PLPPR1: variants seen among roughly 807,000 people sequenced by gnomAD.
The protein encoded by PLPPR1 is phospholipid phosphatase related 1.
A neutral mutation model predicts 33.1 loss-of-function variants in PLPPR1; 10 were observed. The ratio of observed to expected loss-of-function variants is 0.30; its 90% CI spans 0.19 to 0.51. The LOEUF (loss-of-function observed/expected upper bound fraction) is 0.51. Ranked by LOEUF, PLPPR1 falls within the 20% of genes least tolerant of loss-of-function variation. The pLI is 0.97. For missense variants in PLPPR1, 304 were observed against 408.1 expected (o/e 0.74, Z 2.20); for synonymous variants, 151 against 151.0 (o/e 1.00, Z 0.00).
At chr9:101,147,123 G>A (rs1831530579) in intron 1 of PLPPR1, among the ~76,000 whole-genome samples, 1 of 152,054 alleles carries the variant, frequency 6.6e-6, no homozygotes, top group African/African-American at 2.4e-5. Flanking sequence ...ATTACCTATT[G>A]GCTGGTTTGA....
chr9:101,163,943 G>T (rs959964624), intron 1 of PLPPR1, among the ~76,000 whole-genome samples: 1 of 152,138 alleles, frequency 6.6e-6, no homozygotes, highest in South Asian at 2.1e-4. Context: ...ATGTATCTTG[G>T]TAGGAATTTG....
chr9:101,254,362 G>C (rs1827762317), intron 2 of PLPPR1, among the ~76,000 whole-genome samples: 1 of 152,048 alleles, frequency 6.6e-6, no homozygotes, highest in African/African-American at 2.4e-5. Context: ...GTTCACAATA[G>C]GGTTCATGCT....
At chr9:101,162,105 T>TAA (rs35736417) in intron 1 of PLPPR1, among the ~76,000 whole-genome samples, 89 of 146,190 alleles carry the variant, frequency 6.1e-4, no homozygotes, top group African/African-American at 2.1e-3. Context: ...CCACAATTGT[T>TAA]AAAAAAAAAA....
intron 2 of PLPPR1, among the ~76,000 whole-genome samples, chr9:101,202,197 G>T (rs967968298): frequency 6.6e-6 from 1 of 152,190 alleles, no homozygotes; most frequent in African/African-American, 2.4e-5. Flanking sequence ...TGCTTCCAAG[G>T]AAAATTAAGA....
intron 1 of PLPPR1, among the ~76,000 whole-genome samples, chr9:101,064,705 T>A (rs79794982): frequency 0.014 from 2,193 of 152,134 alleles, 59 homozygotes; most frequent in African/African-American, 0.05. Flanking sequence ...TGAGACTGAG[T>A]AATTTATAAA....
chr9:101,212,712 C>T (rs1286592331), intron 2 of PLPPR1, among the ~76,000 whole-genome samples: 1 of 152,092 alleles, frequency 6.6e-6, no homozygotes, highest in Non-Finnish European at 1.5e-5. Context: ...CATTGTGTAA[C>T]TATATAGGAA....
At chr9:101,239,475 G>T (rs940998891) in intron 2 of PLPPR1, among the ~76,000 whole-genome samples, 3 of 151,798 alleles carry the variant, frequency 2.0e-5, no homozygotes, top group African/African-American at 7.3e-5. Flanking sequence ...ATATATCCAG[G>T]TAACAAACCT....
chr9:101,267,485 G>C lies in PLPPR1; in HGVS notation c.64-2395G>C, dbSNP rs1265182028. Among the ~76,000 whole-genome samples, 5 of 152,202 alleles carry C rather than the reference G, an allele frequency of 3.3e-5. No individual in the cohort carries two copies. In the East Asian group the frequency reaches 7.7e-4, roughly 23 times the overall value. The stretch of plus-strand genomic sequence containing the variant: ...CAAGCATGGAAAAACACATGGAAGT[G>C]TCCAGAGATTACTGGACAGTCCAAA... On this transcript the variant is annotated intron_variant, in intron 2 of 7. Coordinates refer to ENST00000374874, the MANE Select transcript of PLPPR1 (RefSeq NM_207299.2).
intron 4 of PLPPR1, among the ~76,000 whole-genome samples, chr9:101,297,120 C>A (rs988677859): frequency 7.2e-5 from 11 of 152,034 alleles, no homozygotes; most frequent in African/African-American, 2.4e-4. Context: ...GGATAATGGG[C>A]AAATTGGGCA....
chr9:101,201,300 G>A (rs959470769), intron 2 of PLPPR1, among the ~76,000 whole-genome samples: 7 of 152,178 alleles, frequency 4.6e-5, no homozygotes, highest in African/African-American at 1.7e-4. Flanking sequence ...CTTTGGAGGA[G>A]ACATATTGAA....
intron 1 of PLPPR1, among the ~76,000 whole-genome samples, chr9:101,060,863 A>G (rs1277967050): frequency 6.6e-6 from 1 of 152,000 alleles, no homozygotes; most frequent in African/African-American, 2.4e-5. Context: ...TTTATAAAGT[A>G]CAAAAATGTT....
intron 2 of PLPPR1, among the ~76,000 whole-genome samples, chr9:101,254,560 A>T (rs563581461): frequency 6.6e-6 from 1 of 152,234 alleles, no homozygotes; most frequent in South Asian, 2.1e-4. Context: ...TATACTACAT[A>T]GGGTGAATGC....
At chr9:101,042,534 A>G (rs1433904822) in intron 1 of PLPPR1, among the ~76,000 whole-genome samples, 2 of 152,182 alleles carry the variant, frequency 1.3e-5, no homozygotes, top group East Asian at 1.9e-4. Flanking sequence ...GATAATAATG[A>G]TGGGTTACCT....
At chr9:101,061,118 G>A (rs1377533481) in intron 1 of PLPPR1, among the ~76,000 whole-genome samples, 1 of 151,888 alleles carries the variant, frequency 6.6e-6, no homozygotes, top group Admixed American at 6.6e-5. Context: ...GGGCCTGCAT[G>A]TCTTTGAGGT....
At chr9:101,174,987 T>C (rs779991609) in intron 1 of PLPPR1, among the ~76,000 whole-genome samples, 3 of 152,194 alleles carry the variant, frequency 2.0e-5, no homozygotes, top group African/African-American at 2.4e-5. Flanking sequence ...CATAATGAGC[T>C]TCAAGTACAT....
intron 1 of PLPPR1, among the ~76,000 whole-genome samples, chr9:101,143,486 C>G (rs959391206): frequency 6.6e-6 from 1 of 152,178 alleles, no homozygotes; most frequent in East Asian, 1.9e-4. Flanking sequence ...TTAGAGTGAA[C>G]AGGCAACCTA....
chr9:101,207,715 A>T (rs1826616463), intron 2 of PLPPR1, among the ~76,000 whole-genome samples: 1 of 152,196 alleles, frequency 6.6e-6, no homozygotes, highest in African/African-American at 2.4e-5. Flanking sequence ...TGATAGAACC[A>T]TTATCTACCT....
chr9:101,101,380 A>T (rs956761022), intron 1 of PLPPR1, among the ~76,000 whole-genome samples: 1 of 152,144 alleles, frequency 6.6e-6, no homozygotes, highest in African/African-American at 2.4e-5. Flanking sequence ...TCCTGTCCTG[A>T]AAATGAGTGT....
intron 1 of PLPPR1, among the ~76,000 whole-genome samples, chr9:101,079,655 C>T (rs1183712077): frequency 2.6e-5 from 4 of 151,676 alleles, no homozygotes; most frequent in Non-Finnish European, 5.9e-5. Flanking sequence ...TCTTGGCTCA[C>T]TGCAACCTCT....
Sources: gnomAD v4.1 joint callset for allele counts (sites outside exome capture counted in the v4.1 genomes callset) on GRCh38, gnomAD v4.1.1 for gene constraint, MANE v1.5 for transcripts, NCBI Gene and HGNC (gene_info 2026-07-23, HGNC 2026-07-21) for gene names.